The following AQR variants were observed in gnomAD, a reference collection of about 807,000 sequenced individuals.
The protein encoded by AQR is aquarius intron-binding spliceosomal factor.
AQR carries 61 observed loss-of-function variants against 180.5 expected under a neutral mutation model. The observed-to-expected ratio is 0.34, with a 90% CI of 0.28 to 0.42. The LOEUF is 0.42. Among genes scored for constraint, AQR ranks in the 10% least tolerant of loss-of-function variants. The pLI is 1.00. For synonymous variants in AQR, 551 were observed against 588.8 expected (o/e 0.94, Z 0.93); for missense variants, 1,281 against 1,798.3 (o/e 0.71, Z 5.20).
intron 32 of AQR, among the ~76,000 whole-genome samples, chr15:34,864,128 A>C (rs1892710531): frequency 6.6e-6 from 1 of 152,112 alleles, no homozygotes; most frequent in Non-Finnish European, 1.5e-5. Context: ...TGTGTAATGC[A>C]AGGTATTTGG....
Position 34,867,918 on chromosome 15 carries a change from CT to C in AQR, c.3769-310del. ...TTGCAAAACTTCATGAAAGCAGAGA[CT>C]ATGTCTAGCTTATTAACTGGTATCC... On this transcript the variant is annotated intron_variant, in intron 31 of 34. Coordinates refer to ENST00000156471, the MANE Select transcript of AQR (RefSeq NM_014691.3). 4 of 235,050 alleles carry C rather than the reference CT, an allele frequency of 1.7e-5. No individual in the cohort carries two copies. The South Asian group carries it at 2.8e-4, about 16-fold the overall frequency. 14.6% of individuals were successfully genotyped at this position (235,050 alleles called of 1,614,324 possible). A position where few individuals can be genotyped will look rare whatever the true frequency, so the allele number is the denominator to read the frequency against.
At chr15:34,933,482 T>C (rs9672656) in intron 10 of AQR, among the ~76,000 whole-genome samples, 96,628 of 151,500 alleles carry the variant, frequency 0.64, 32,159 homozygotes, top group South Asian at 0.75. Flanking sequence ...TAAGAATCTT[T>C]ATTTTAAAAA....
chr15:34,929,289 G>A (rs925065281), intron 12 of AQR, among the ~76,000 whole-genome samples: 9 of 152,096 alleles, frequency 5.9e-5, no homozygotes, highest in South Asian at 4.1e-4. Context: ...GAATGGTATC[G>A]CCTAGGTTTT....
rs373166278 is a variant in AQR, at chr15:34,918,363, G to A, written c.1237C>T (p.Arg413Cys). 9.3e-6 allele frequency: 15 copies of A among 1,613,056 alleles called. No individual in the cohort carries two copies. Among genetic ancestry groups the A allele is most frequent in the South Asian group, 6.6e-5 (6 of 90,926 alleles). ...AACTGCTGAATCTGAGAAATTCGACGTTCATGACGAGATACCTAAAATAAA... is the reference window on the plus strand; with the variant it reads ...AACTGCTGAATCTGAGAAATTCGACATTCATGACGAGATACCTAAAATAAA... ...LLELLVSRHERRISQIQQLNQ... is the reference protein window; with the variant it reads ...LLELLVSRHECRISQIQQLNQ... The change falls in exon 15 of 35, where the codon CGT (arginine) becomes TGT (cysteine). Residue 413 changes from arginine (R) to cysteine (C), a missense_variant. Coordinates refer to ENST00000156471, the MANE Select transcript of AQR (RefSeq NM_014691.3).
chr15:34,869,129 A>G (rs2140460779), intron 31 of AQR: 1 of 152,202 alleles, frequency 6.6e-6, no homozygotes. Flanking sequence ...CTAGAACCCC[A>G]GTTCTAGAGT....
intron 5 of AQR, among the ~76,000 whole-genome samples, chr15:34,946,436 G>GC: frequency 7.0e-6 from 1 of 142,896 alleles, no homozygotes; most frequent in East Asian, 2.1e-4. Flanking sequence ...GAGGTGGGGG[G>GC]GGTCAGCCCC....
intron 24 of AQR, among the ~76,000 whole-genome samples, chr15:34,888,034 A>T (rs1298054481): frequency 6.6e-6 from 1 of 152,224 alleles, no homozygotes; most frequent in Non-Finnish European, 1.5e-5. Context: ...ACGGTGGCTC[A>T]CGCCTGTAAT....
At chr15:34,929,107 T>C (rs1893809690) in intron 12 of AQR, among the ~76,000 whole-genome samples, 1 of 152,194 alleles carries the variant, frequency 6.6e-6, no homozygotes, top group Non-Finnish European at 1.5e-5. Context: ...GTTAGATGGG[T>C]AGATTGAAAA....
intron 6 of AQR, 145 bp from the exon 7 acceptor site, chr15:34,942,225 T>C: frequency 2.2e-6 from 1 of 464,902 alleles, no homozygotes; most frequent in African/African-American, 2.0e-5. Flanking sequence ...TATTAAGAAG[T>C]TCAATGCTTT....
At chr15:34,896,852 AAAACAAACAAAC>A (rs112801519) in intron 22 of AQR, 33 bp downstream of exon 22, 5 of 1,538,864 alleles carry the variant, frequency 3.2e-6, no homozygotes, top group Non-Finnish European at 4.5e-6. Flanking sequence ...TCCATCTCAG[AAAACAAACAAAC>A]AAACAAACAA....
intron 18 of AQR, 79 bp downstream of exon 18, chr15:34,906,466 C>T (rs1042021096): frequency 4.6e-6 from 7 of 1,525,314 alleles, no homozygotes; most frequent in Non-Finnish European, 5.3e-6. Flanking sequence ...AAAATATTAC[C>T]TAAGAAGCAA....
chr15:34,964,352 A>ATTTAGT, intron 1 of AQR, 62 bp from the exon 2 acceptor site: 2 of 1,333,680 alleles, frequency 1.5e-6, no homozygotes, highest in South Asian at 1.2e-5. Context: ...GCTGGAAGAC[A>ATTTAGT]GATCATTTAG....
intron 16 of AQR, among the ~76,000 whole-genome samples, chr15:34,911,599 A>G (rs904304918): frequency 6.6e-6 from 1 of 152,186 alleles, no homozygotes; most frequent in African/African-American, 2.4e-5. Flanking sequence ...CCTACAAAAA[A>G]TAGTATTGAA....
intron 3 of AQR, among the ~76,000 whole-genome samples, chr15:34,954,931 T>C (rs1252344826): frequency 6.6e-6 from 1 of 152,140 alleles, no homozygotes; most frequent in East Asian, 1.9e-4. Context: ...GAGACCAGCA[T>C]GGACAACACG....
At position 34,968,663 on chromosome 15, in the gene AQR, G is replaced by A. The variant is rs576291093; in HGVS notation, c.75+876C>T. Reference sequence around the variant, plus strand: ...ATGGGCTAGAGCAGAGCAAGAGGAAGGACAATATAACAGATTACGATACCT... The same window carrying A: ...ATGGGCTAGAGCAGAGCAAGAGGAAAGACAATATAACAGATTACGATACCT... On this transcript the variant is annotated intron_variant, in intron 1 of 34. Coordinates refer to ENST00000156471, the MANE Select transcript of AQR (RefSeq NM_014691.3). 2.6e-5 allele frequency among the ~76,000 whole-genome samples: 4 copies of A among 152,282 alleles called. No individual in the cohort carries two copies. In the South Asian group the frequency reaches 8.3e-4, roughly 32 times the overall value.
intron 32 of AQR, among the ~76,000 whole-genome samples, chr15:34,866,303 C>G (rs1474028587): frequency 6.6e-6 from 1 of 152,152 alleles, no homozygotes; most frequent in Non-Finnish European, 1.5e-5. Context: ...ACCACCAACA[C>G]TATCCCCCAT....
In AQR at chr15:34,863,104, T is replaced by A. The variant is rs1892694793; in HGVS notation, c.3855-63A>T. 1.0e-5 allele frequency: 15 copies of A among 1,477,098 alleles called. No individual in the cohort carries two copies. The South Asian group carries it at 2.1e-4, about 20-fold the overall frequency. The allele number at this position is 1,477,098 out of a possible 1,614,324, so 91.5% of individuals were successfully genotyped here. The stretch of plus-strand genomic sequence containing the variant: ...ATTATTAACATTTAAGCAGCTTTTT[T>A]TTTTTTCACAGATTTCATTAGATAG... On this transcript the variant is annotated intron_variant, in intron 32 of 34. Coordinates refer to ENST00000156471, the MANE Select transcript of AQR (RefSeq NM_014691.3).
chr15:34,951,488 T>A (rs986294741), intron 4 of AQR, among the ~76,000 whole-genome samples: 1 of 152,034 alleles, frequency 6.6e-6, no homozygotes, highest in African/African-American at 2.4e-5. Context: ...CTGGCCAACA[T>A]GGTGAAACCT....
Position 34,862,901 on chromosome 15 carries a change from A to G in AQR, c.3995T>C (p.Ile1332Thr), listed in dbSNP as rs774652926. The G allele has an allele frequency of 3.2e-5, 51 of 1,613,698 alleles. 1 individual carries two copies. The South Asian group carries it at 5.3e-4, about 17-fold the overall frequency. ...QLTARPLHLH[I>T]IPTEPFPTTR... ...AGTTGGGAAAGGTTCTGTTGGAATT[A>G]TATGCAAATGAAGGGGGCGAGCTGT... The change falls in exon 33 of 35, where the codon ATA becomes ACA. Residue 1332 changes from isoleucine to threonine, a missense_variant. This residue lies in a region of AQR where 197 missense variants were observed against 320.7 expected (regional missense o/e 0.61). Coordinates refer to ENST00000156471, the MANE Select transcript of AQR (RefSeq NM_014691.3).
Sources: allele counts gnomAD v4.1 joint callset (sites outside exome capture counted in the v4.1 genomes callset), GRCh38; gene constraint gnomAD v4.1.1; regional missense constraint gnomAD v4.1.1; transcripts MANE v1.5; gene names NCBI Gene and HGNC (gene_info 2026-07-23, HGNC 2026-07-21).